Variants in SMARCA2 observed in about 807,000 individuals in gnomAD.
SMARCA2 encodes SWI/SNF-related matrix-associated actin-dependent regulator of chromatin subfamily A member 2.
A neutral mutation model predicts 199.8 loss-of-function variants in SMARCA2; 61 were observed. The ratio of observed to expected loss-of-function variants is 0.31; its 90% CI spans 0.25 to 0.38. SMARCA2 has a LOEUF of 0.38. Among genes scored for constraint, SMARCA2 ranks in the 10% least tolerant of loss-of-function variants. The pLI, the probability that SMARCA2 is intolerant of heterozygous loss-of-function variation, is 1.00. For missense variants in SMARCA2, 1,344 were observed against 2,012.2 expected (o/e 0.67, Z 6.35); for synonymous variants, 935 against 732.0 (o/e 1.28, Z -4.48).
At chr9:2,192,481 T>C (rs1015362162) in intron 33 of SMARCA2, 92 of 576,772 alleles carry the variant, frequency 1.6e-4, no homozygotes, top group African/African-American at 1.6e-3. Flanking sequence ...AACAATAGCT[T>C]AGAGGGTGGG....
At chr9:2,172,693 G>C (rs1826322017) in intron 29 of SMARCA2, among the ~76,000 whole-genome samples, 1 of 152,138 alleles carries the variant, frequency 6.6e-6, no homozygotes, top group African/African-American at 2.4e-5. Context: ...AGTCATCGCA[G>C]TGACTGTTAC....
chr9:2,157,862 C>G, intron 27 of SMARCA2: 1 of 398,528 alleles, frequency 2.5e-6, no homozygotes, highest in Non-Finnish European at 4.4e-6. Flanking sequence ...ACTTTCTGGA[C>G]CTGCCGTCAC....
In SMARCA2 at chr9:2,170,574, G is replaced by A. The variant is rs566084035; in HGVS notation, c.4253+102G>A. ...TCGGCCTTTGGAAGCAAATTTCTTC[G>A]GTCACCTCCTGATCACCCCTACTTG... On this transcript the variant is annotated intron_variant, in intron 29 of 33. Coordinates refer to ENST00000349721, the MANE Select transcript of SMARCA2 (RefSeq NM_003070.5). This position sits in a 1 kb window ranked among gnomAD's most constrained non-coding sequence, Gnocchi z 4.7. The A allele has an allele frequency of 3.0e-4, 470 of 1,583,674 alleles. 3 individuals are homozygous for A. In the African/African-American group the frequency reaches 3.6e-3, roughly 12 times the overall value.
intron 4 of SMARCA2, chr9:2,045,264 T>C (rs939041831): frequency 6.6e-6 from 1 of 152,104 alleles, no homozygotes; most frequent in African/African-American, 2.4e-5. Context: ...ATTCCTGATT[T>C]AGCATGCTTA....
chr9:2,162,079 A>T (rs553733361), intron 28 of SMARCA2, among the ~76,000 whole-genome samples, 176 bp downstream of exon 28: 1 of 152,320 alleles, frequency 6.6e-6, no homozygotes, highest in African/African-American at 2.4e-5. Flanking sequence ...GCTATTTTGT[A>T]TGATGTTTCA....
rs1819476498 is a variant in SMARCA2 at position 2,039,366 on chromosome 9, C to A, written c.356-100C>A. On this transcript the variant is annotated intron_variant, in intron 3 of 33. Transcript: ENST00000349721. This position sits in a 1 kb window ranked among gnomAD's most constrained non-coding sequence, Gnocchi z 4.8. ...AATGATATGTCATTCAAATTTCTGTCAGACAGTGTTGCTGTGGACAATTAT... is the reference window on the plus strand; with the variant it reads ...AATGATATGTCATTCAAATTTCTGTAAGACAGTGTTGCTGTGGACAATTAT... 3 of 1,109,908 alleles carry A rather than the reference C, an allele frequency of 2.7e-6. No homozygotes were observed. Among genetic ancestry groups the A allele is most frequent in the Non-Finnish European group, 2.6e-6 (2 of 773,656 alleles). The allele number at this position is 1,109,908 out of a possible 1,614,324, so 68.8% of individuals were successfully genotyped here.
intron 19 of SMARCA2, among the ~76,000 whole-genome samples, chr9:2,095,484 T>C (rs1395767223): frequency 6.6e-6 from 1 of 152,258 alleles, no homozygotes; most frequent in Non-Finnish European, 1.5e-5. Flanking sequence ...TGCATACTTA[T>C]TGATTAATCT....
rs1407986723 is a variant in SMARCA2 at position 2,170,382 on chromosome 9, G to A, written c.4200-37G>A. On this transcript the variant is annotated intron_variant, in intron 28 of 33. Transcript: ENST00000349721. This position sits in a 1 kb window ranked among gnomAD's most constrained non-coding sequence, Gnocchi z 4.7. ...GAGCCGGGCGGGGACGAGAACCCAGGTCTTCTGACTCTAGTGTTCTTTCTA... is the reference window on the plus strand; with the variant it reads ...GAGCCGGGCGGGGACGAGAACCCAGATCTTCTGACTCTAGTGTTCTTTCTA... 1.9e-6 allele frequency: 3 copies of A among 1,613,716 alleles called. No individual in the cohort carries two copies. Among genetic ancestry groups the A allele is most frequent in the Admixed American group, 1.7e-5 (1 of 59,998 alleles).
At position 2,123,748 on chromosome 9, in the gene SMARCA2, T is replaced by C. The variant is rs770599118; in HGVS notation, c.3792T>C (p.Asp1264=). The C allele has an allele frequency of 6.2e-6, 10 of 1,613,926 alleles. No individual in the cohort carries two copies. In the African/African-American group the frequency reaches 9.3e-5, roughly 15 times the overall value. Residue 1264 remains aspartate (D), a synonymous_variant, in exon 27 of 34, where the codon GAT becomes GAC. Coordinates refer to ENST00000349721, the MANE Select transcript of SMARCA2 (RefSeq NM_003070.5). The surrounding 1 kb of genome is among the most constrained non-coding windows in gnomAD (Gnocchi z 4.1). The part of the protein sequence containing the change: ...MRMDMDRRRE[D]ARNPKRKPRL... ...TGGACATGGACCGGCGGAGGGAAGA[T>C]GCCCGGAACCCGAAACGGAAGCCCC...
Position 2,039,514 on chromosome 9 carries a change from C to A in SMARCA2, c.404C>A (p.Ser135Tyr). The A allele has an allele frequency of 6.2e-7, 1 of 1,614,156 alleles. No homozygotes were observed. The highest frequency in any genetic ancestry group is 8.5e-7 in the Non-Finnish European group (1 of 1,180,028). ...CCATTAGGAGCCCCAGAGCACGTCT[C>A]CAGCCCTATGTCTGGAGGAGGCCCA... ...PSPLGAPEHV[S>Y]SPMSGGGPTP... Residue 135 changes from serine (S) to tyrosine (Y), a missense_variant, in exon 4 of 34, where the codon TCC becomes TAC. Ser to Tyr is a moderately radical substitution (Grantham distance 144). Coordinates refer to ENST00000349721, the MANE Select transcript of SMARCA2 (RefSeq NM_003070.5). This position sits in a 1 kb window ranked among gnomAD's most constrained non-coding sequence, Gnocchi z 4.8.
Position 2,095,856 on chromosome 9 carries a change from G to A in SMARCA2, c.2884-801G>A, listed in dbSNP as rs181975545. Among the ~76,000 whole-genome samples the A allele has an allele frequency of 2.0e-3, 302 of 152,244 alleles. 1 individual carries two copies. Among genetic ancestry groups the A allele is most frequent in the African/African-American group, 7.1e-3 (296 of 41,538 alleles). On this transcript the variant is annotated intron_variant, in intron 19 of 33. Coordinates refer to ENST00000349721, the MANE Select transcript of SMARCA2 (RefSeq NM_003070.5). ...TAATCTGATGTTTATTATGAGAATT[G>A]CACATTTGTATTATTGGGATTCTTT...
chr9:2,078,628 G>T (rs1385403578), intron 14 of SMARCA2, among the ~76,000 whole-genome samples: 1 of 151,944 alleles, frequency 6.6e-6, no homozygotes, highest in Non-Finnish European at 1.5e-5. Context: ...TGAGACATTT[G>T]TTCTATGAAT....
intron 27 of SMARCA2, among the ~76,000 whole-genome samples, chr9:2,126,718 A>G (rs936812430): frequency 6.6e-6 from 1 of 152,268 alleles, no homozygotes; most frequent in Non-Finnish European, 1.5e-5. Flanking sequence ...TCCAAGATGC[A>G]TAGCATCGCA....
At chr9:2,185,259 T>A (rs1313688375) in intron 31 of SMARCA2, among the ~76,000 whole-genome samples, 1 of 152,234 alleles carries the variant, frequency 6.6e-6, no homozygotes, top group Admixed American at 6.5e-5. Context: ...ATACTTCGTA[T>A]GAGTAGAATC....
chr9:2,156,414 C>CTTTTTTTTTTTTTTTTTTTTTTTTTTTT (rs57161267), intron 27 of SMARCA2, among the ~76,000 whole-genome samples: 1 of 69,148 alleles, frequency 1.4e-5, no homozygotes, highest in African/African-American at 7.0e-5. Context: ...CCATTTTAGA[C>CTTTTTTTTTTTTTTTTTTTTTTTTTTTT]TTTTTTTTTT....
chr9:2,080,667 G>T (rs1192164387), intron 14 of SMARCA2, among the ~76,000 whole-genome samples: 3 of 152,090 alleles, frequency 2.0e-5, no homozygotes, highest in African/African-American at 7.2e-5. Flanking sequence ...TGTTGTTGTA[G>T]TTCTGCAGAA....
chr9:2,040,208 C>A (rs1009357324), intron 4 of SMARCA2: 25 of 580,446 alleles, frequency 4.3e-5, no homozygotes, highest in Admixed American at 1.7e-4. Context: ...TCCACACACA[C>A]AAGGTTAAGA....
At chr9:2,046,161 C>CTGAGA (rs1422843918) in intron 4 of SMARCA2, 1 of 152,100 alleles carries the variant, frequency 6.6e-6, no homozygotes, top group African/African-American at 2.4e-5. Flanking sequence ...CATCTGCTTA[C>CTGAGA]TGAGATTCTT....
chr9:2,141,572 G>A (rs1033792803), intron 27 of SMARCA2, among the ~76,000 whole-genome samples: 25 of 152,124 alleles, frequency 1.6e-4, no homozygotes, highest in African/African-American at 5.8e-4. Flanking sequence ...TAAGAAGATT[G>A]TGTAGTTACT....
Sources: allele counts gnomAD v4.1 joint callset (sites outside exome capture counted in the v4.1 genomes callset), GRCh38; gene constraint gnomAD v4.1.1; non-coding constraint Gnocchi (gnomAD v3.1); transcripts MANE v1.5; gene names NCBI Gene and HGNC (gene_info 2026-07-23, HGNC 2026-07-21).